Variants in AGMO observed in about 807,000 individuals in gnomAD.
AGMO encodes alkylglycerol monooxygenase, also known as glyceryl-ether monooxygenase.
In AGMO, 75 loss-of-function variants were observed where a neutral mutation model predicts 60.2. The ratio of observed to expected loss-of-function variants is 1.25; its 90% confidence interval spans 1.03 to 1.51. The LOEUF (loss-of-function observed/expected upper bound fraction) is 1.51. AGMO is among the 40% of genes most tolerant of loss of function. The pLI, the probability that AGMO is intolerant of heterozygous loss-of-function variation, is 0.00. For synonymous variants in AGMO, 261 were observed against 177.1 expected, an observed-to-expected ratio of 1.47 and a Z score of -3.76; for missense variants, 763 against 525.5, an observed-to-expected ratio of 1.45 and a Z score of -4.42.
intron 3 of AGMO, among the ~76,000 whole-genome samples, chr7:15,494,222 A>G (rs1032091804): frequency 2.6e-5 from 4 of 152,126 alleles, no homozygotes; most frequent in African/African-American, 9.7e-5. Flanking sequence ...CTCCTCTACT[A>G]AGTTTTAATT....
chr7:15,395,709 G>C (rs1381264219), intron 5 of AGMO, among the ~76,000 whole-genome samples: 2 of 152,160 alleles, frequency 1.3e-5, no homozygotes, highest in African/African-American at 2.4e-5. Context: ...ATGAATGTTT[G>C]AAAAAGTTTG....
chr7:15,475,679 A>C (rs982918250), intron 3 of AGMO, among the ~76,000 whole-genome samples: 8 of 152,092 alleles, frequency 5.3e-5, no homozygotes, highest in African/African-American at 1.9e-4. Context: ...CAGAACTTAA[A>C]GTATAATTTT....
chr7:15,473,811 T>G (rs1306940892), intron 3 of AGMO, among the ~76,000 whole-genome samples: 2 of 152,090 alleles, frequency 1.3e-5, no homozygotes, highest in Non-Finnish European at 2.9e-5. Flanking sequence ...GAAAACCCTA[T>G]CATTTCAGCC....
At position 15,531,141 on chromosome 7, in the gene AGMO, A is replaced by G. The variant is rs1449299120; in HGVS notation, c.409+13631T>C. ...TCTATATATATTCTGTATATATTCT[A>G]TATATATTCTATATATATTCTATAT... On this transcript the variant is annotated intron_variant, in intron 3 of 12. Coordinates refer to ENST00000342526, the MANE Select transcript of AGMO (RefSeq NM_001004320.2). Among the ~76,000 whole-genome samples, 20 of 70,260 alleles carry G rather than the reference A, an allele frequency of 2.8e-4. 2 individuals are homozygous for G. The highest frequency in any genetic ancestry group is 4.6e-4 in the South Asian group (1 of 2,174). The allele number at this position is 70,260 out of a possible 152,430, so 46.1% of individuals were successfully genotyped here. A position where few individuals can be genotyped will look rare whatever the true frequency, so the allele number is the denominator to read the frequency against.
the AGMO span, among the ~76,000 whole-genome samples, chr7:15,128,407 T>G: frequency 6.6e-6 from 1 of 152,160 alleles, no homozygotes; most frequent in South Asian, 2.1e-4. Flanking sequence ...AAACAAATTT[T>G]AATTTATTTT....
chr7:15,181,826 T>C, the AGMO span, among the ~76,000 whole-genome samples: 6 of 152,274 alleles, frequency 3.9e-5, no homozygotes, highest in African/African-American at 1.2e-4. Flanking sequence ...GTGGGTGACA[T>C]AGAACTCAGG....
intron 12 of AGMO, among the ~76,000 whole-genome samples, chr7:15,241,671 T>A (rs1261085555): frequency 6.6e-6 from 1 of 152,038 alleles, no homozygotes; most frequent in African/African-American, 2.4e-5. Context: ...ATCTCTTGAC[T>A]GTGAGTTTCC....
chr7:15,368,686 G>A (rs1583466275), intron 10 of AGMO, among the ~76,000 whole-genome samples: 1 of 152,078 alleles, frequency 6.6e-6, no homozygotes, highest in Non-Finnish European at 1.5e-5. Flanking sequence ...AGGAGCTTAG[G>A]CTAATCTTAA....
chr7:15,202,838 G>C (rs1264260562), intron 12 of AGMO, among the ~76,000 whole-genome samples: 1 of 152,086 alleles, frequency 6.6e-6, no homozygotes, highest in African/African-American at 2.4e-5. Flanking sequence ...AAATAATACT[G>C]CGCTGGGGGG....
intron 12 of AGMO, among the ~76,000 whole-genome samples, chr7:15,321,989 A>C (rs1260507541): frequency 2.0e-5 from 3 of 151,888 alleles, no homozygotes; most frequent in African/African-American, 7.3e-5. Context: ...AAAATAAACT[A>C]AGGAAAAGAG....
At chr7:15,520,281 CA>C (rs1783945262) in intron 3 of AGMO, among the ~76,000 whole-genome samples, 1 of 152,112 alleles carries the variant, frequency 6.6e-6, no homozygotes, top group Admixed American at 6.5e-5. Context: ...CAATATTAGA[CA>C]GATCAATGAG....
the AGMO span, among the ~76,000 whole-genome samples, chr7:15,130,776 C>CT: frequency 6.6e-6 from 1 of 152,052 alleles, no homozygotes; most frequent in Non-Finnish European, 1.5e-5. Flanking sequence ...GATGACATCA[C>CT]TTTAATCTCA....
intron 12 of AGMO, among the ~76,000 whole-genome samples, chr7:15,236,755 C>A (rs1782433548): frequency 6.6e-6 from 1 of 151,804 alleles, no homozygotes; most frequent in South Asian, 2.1e-4. Flanking sequence ...TTAAAACAAA[C>A]AAACAAACCA....
downstream of AGMO, among the ~76,000 whole-genome samples, chr7:15,196,006 C>T (rs1781107038): frequency 6.6e-6 from 1 of 151,648 alleles, no homozygotes; most frequent in South Asian, 2.1e-4. Flanking sequence ...TCCTCCCCTT[C>T]CCTCCTCTCT....
At chr7:15,379,272 T>G (rs778423800) in intron 10 of AGMO, among the ~76,000 whole-genome samples, 1 of 151,804 alleles carries the variant, frequency 6.6e-6, no homozygotes, top group Non-Finnish European at 1.5e-5. Context: ...AAATCACAGC[T>G]GAAGCAAAGG....
At chr7:15,153,292 A>G in the AGMO span, among the ~76,000 whole-genome samples, 1 of 151,894 alleles carries the variant, frequency 6.6e-6, no homozygotes. Flanking sequence ...AACTGTAGTT[A>G]TCTGTTAGCT....
chr7:15,329,542 C>T (rs960544465), intron 12 of AGMO, among the ~76,000 whole-genome samples: 11 of 152,146 alleles, frequency 7.2e-5, no homozygotes, highest in Non-Finnish European at 1.5e-5. Context: ...GACAGAACAA[C>T]AGTTCAAACA....
At chr7:15,472,832 C>T (rs972231088) in intron 3 of AGMO, among the ~76,000 whole-genome samples, 12 of 151,758 alleles carry the variant, frequency 7.9e-5, no homozygotes, top group African/African-American at 2.7e-4. Context: ...TCTGAATTAT[C>T]CCATCATATT....
At chr7:15,342,353 C>T (rs1013491145) in intron 12 of AGMO, among the ~76,000 whole-genome samples, 4 of 151,810 alleles carry the variant, frequency 2.6e-5, no homozygotes, top group Non-Finnish European at 4.4e-5. Context: ...AAAATTGCTG[C>T]TCCAAAATTA....
Sources: allele counts gnomAD v4.1 joint callset (sites outside exome capture counted in the v4.1 genomes callset), GRCh38; gene constraint gnomAD v4.1.1; transcripts MANE v1.5; gene names NCBI Gene and HGNC (gene_info 2026-07-23, HGNC 2026-07-21).